Variants in SLC7A6OS observed in about 807,000 individuals in gnomAD.
SLC7A6OS encodes the protein solute carrier family 7 member 6 opposite strand, also known as probable RNA polymerase II nuclear localization protein SLC7A6OS.
SLC7A6OS carries 22 observed loss-of-function variants against 34.3 expected under a neutral mutation model. The ratio of observed to expected loss-of-function variants is 0.64; its 90% CI spans 0.46 to 0.92. The LOEUF is 0.92. Ranked by LOEUF, SLC7A6OS falls within the 40% of genes least tolerant of loss-of-function variation. SLC7A6OS has a pLI of 0.00. For missense variants in SLC7A6OS, 434 were observed against 407.7 expected, an observed-to-expected ratio of 1.06 and a Z score of -0.56; for synonymous variants, 199 against 165.0, an observed-to-expected ratio of 1.21 and a Z score of -1.58.
At position 68,310,912 on chromosome 16, in the gene SLC7A6OS, C is replaced by T. The variant is rs779341752; in HGVS notation, c.15G>A (p.Arg5=). ...TCCGCTTCACCCGGAGTACAGCGGT[C>T]CTGGCGGCCTCCATAGTGGCTGCCG... The part of the protein sequence containing the change: MEAA[R]TAVLRVKRKR... The change falls in exon 1 of 5, where the codon AGG becomes AGA. Residue 5 remains arginine (R), a synonymous_variant. Transcript: ENST00000263997. 4.4e-6 allele frequency: 7 copies of T among 1,587,178 alleles called. No individual in the cohort carries two copies. The highest frequency in any genetic ancestry group is 4.3e-6 in the Non-Finnish European group (5 of 1,170,290).
rs1006976607 is a variant in SLC7A6OS at position 68,299,866 on chromosome 16, C to T, written c.*1409G>A. The T allele has an allele frequency of 2.6e-5, 4 of 152,142 alleles. No individual in the cohort carries two copies. The highest frequency in any genetic ancestry group is 9.7e-5 in the African/African-American group (4 of 41,432). The allele number at this position is 152,142 out of a possible 1,614,324, so 9.4% of individuals were successfully genotyped here. On this transcript the variant is annotated 3_prime_UTR_variant, in exon 5 of 5. Transcript: ENST00000263997. ...CTGCAATATATACGGCCTGTGTACA[C>T]AGAATTTAATCACTTCGGCAGGTTG...
intron 2 of SLC7A6OS, among the ~76,000 whole-genome samples, chr16:68,309,856 G>A (rs868183945): frequency 7.9e-5 from 12 of 152,198 alleles, no homozygotes; most frequent in Middle Eastern, 3.4e-3. Context: ...CTAGCTCACC[G>A]GGCTCCAGGC....
At chr16:68,309,714 C>T (rs2043398724) in intron 2 of SLC7A6OS, among the ~76,000 whole-genome samples, 1 of 152,180 alleles carries the variant, frequency 6.6e-6, no homozygotes, top group Admixed American at 6.5e-5. Context: ...CCTTTAACCT[C>T]TCTTTGATCA....
At position 68,304,162 on chromosome 16, in the gene SLC7A6OS, T is replaced by C. The variant is rs760521229; in HGVS notation, c.542A>G (p.Asp181Gly). 2 of 1,614,164 alleles carry C rather than the reference T, an allele frequency of 1.2e-6. No individual in the cohort carries two copies. ...LIRERLTVSE[D>G]GPGVRRQEEQ... ...TTCCTGGCGCCTGACTCCTGGTCCATCCTCAGACACAGTCAATCGCTCACG... is the reference window on the plus strand; with the variant it reads ...TTCCTGGCGCCTGACTCCTGGTCCACCCTCAGACACAGTCAATCGCTCACG... Residue 181 changes from aspartate to glycine, a missense_variant, in exon 3 of 5, where the codon GAT becomes GGT. Transcript: ENST00000263997.
chr16:68,307,292 AC>A (rs2151241463), intron 2 of SLC7A6OS, among the ~76,000 whole-genome samples: 1 of 152,364 alleles, frequency 6.6e-6, no homozygotes, highest in East Asian at 1.9e-4. Flanking sequence ...TAGTCAATCA[AC>A]AGTAGCATTT....
chr16:68,305,199 A>G (rs919124788), intron 2 of SLC7A6OS, among the ~76,000 whole-genome samples: 1 of 152,086 alleles, frequency 6.6e-6, no homozygotes, highest in African/African-American at 2.4e-5. Flanking sequence ...TAGCACCCCT[A>G]TGGCTGAACC....
intron 2 of SLC7A6OS, among the ~76,000 whole-genome samples, chr16:68,304,547 C>T (rs1284993643): frequency 6.6e-6 from 1 of 152,114 alleles, no homozygotes; most frequent in African/African-American, 2.4e-5. Context: ...GTTTTGATCT[C>T]CTGACCTCAA....
rs369060675 is a variant in SLC7A6OS at position 68,308,669 on chromosome 16, T to C, written c.471+1666A>G. On this transcript the variant is annotated intron_variant, in intron 2 of 4. Transcript: ENST00000263997. ...ACAATAAACAATTACACTAGTACCA[T>C]TTGCTTGTTGCTTGTGGATTCATTT... Among the ~76,000 whole-genome samples the C allele has an allele frequency of 4.3e-4, 65 of 152,294 alleles. 1 individual carries two copies. Among genetic ancestry groups the C allele is most frequent in the East Asian group, 2.7e-3 (14 of 5,172 alleles).
In SLC7A6OS at chr16:68,310,726, G is replaced by C. The variant is rs746720443; in HGVS notation, c.192+9C>G. On this transcript the variant is annotated intron_variant, in intron 1 of 4. Transcript: ENST00000263997. ...ATGCCCTCCACACCAGCTGCACCAC[G>C]CCCAATACCTGGGAGCACACAGTGG... 6.9e-6 allele frequency: 11 copies of C among 1,599,128 alleles called. No homozygotes were observed. The highest frequency in any genetic ancestry group is 3.3e-4 in the Middle Eastern group (2 of 6,036).
In SLC7A6OS at chr16:68,301,216, A is replaced by C. The variant is rs2043266451; in HGVS notation, c.*59T>G. ...TAACAGGATGTCAGCAGGGCAGTTA[A>C]CTCTGGACTCAGAGCCCTCAAGGGC... On this transcript the variant is annotated 3_prime_UTR_variant, in exon 5 of 5. Coordinates refer to ENST00000263997, the MANE Select transcript of SLC7A6OS (RefSeq NM_032178.3). 1 of 1,583,356 alleles carries C rather than the reference A, an allele frequency of 6.3e-7. No individual in the cohort carries two copies. Among genetic ancestry groups the C allele is most frequent in the Non-Finnish European group, 8.6e-7 (1 of 1,161,306 alleles).
Position 68,301,204 on chromosome 16 carries a change from G to C in SLC7A6OS, c.*71C>G. Reference sequence around the variant, plus strand: ...AGCTAGGAAACCTAACAGGATGTCAGCAGGGCAGTTAACTCTGGACTCAGA... The same window carrying C: ...AGCTAGGAAACCTAACAGGATGTCACCAGGGCAGTTAACTCTGGACTCAGA... On this transcript the variant is annotated 3_prime_UTR_variant, in exon 5 of 5. Coordinates refer to ENST00000263997, the MANE Select transcript of SLC7A6OS (RefSeq NM_032178.3). 1 of 1,556,778 alleles carries C rather than the reference G, an allele frequency of 6.4e-7. No individual in the cohort carries two copies. The highest frequency in any genetic ancestry group is 8.7e-7 in the Non-Finnish European group (1 of 1,146,582).
At position 68,298,203 on chromosome 16, in the gene SLC7A6OS, T is replaced by G. The variant is rs2043208520; in HGVS notation, c.*3072A>C. 6.6e-6 allele frequency: 1 copy of G among 152,652 alleles called. No homozygotes were observed. Among genetic ancestry groups the G allele is most frequent in the African/African-American group, 2.4e-5 (1 of 41,458 alleles). 9.5% of individuals were successfully genotyped at this position (152,652 alleles called of 1,614,324 possible). A position where few individuals can be genotyped will look rare whatever the true frequency, so the allele number is the denominator to read the frequency against. ...TTGAAGGACAATCCTTTATTTTACT[T>G]GAGACCTTACATCTTTGTTCTAGCT... On this transcript the variant is annotated 3_prime_UTR_variant, in exon 5 of 5. Transcript: ENST00000263997.
Position 68,299,055 on chromosome 16 carries a change from C to A in SLC7A6OS, c.*2220G>T, listed in dbSNP as rs1248683493. ...TTCAGAGCATAATGCATATGTGAAG[C>A]ATGGGGTGACATTCCTACTGTCATG... On this transcript the variant is annotated 3_prime_UTR_variant, in exon 5 of 5. Transcript: ENST00000263997. The A allele has an allele frequency of 6.6e-6, 1 of 152,616 alleles. No homozygotes were observed. The highest frequency in any genetic ancestry group is 1.5e-5 in the Non-Finnish European group (1 of 68,028). The allele number at this position is 152,616 out of a possible 1,614,324, so 9.5% of individuals were successfully genotyped here.
At chr16:68,309,620 A>T (rs1328222624) in intron 2 of SLC7A6OS, among the ~76,000 whole-genome samples, 1 of 152,234 alleles carries the variant, frequency 6.6e-6, no homozygotes, top group Non-Finnish European at 1.5e-5. Flanking sequence ...ATGTAATATA[A>T]AGAAAAGCAC....
Position 68,310,347 on chromosome 16 carries a change from T to C in SLC7A6OS, c.459A>G (p.Ala153=). ...HEEGEPEAAS[A]GSCKTSDPDV... is the part of the protein sequence containing the mutation. Reference sequence around the variant, plus strand: ...GGGGCATACTCACTTTGCAGGAGCCTGCAGAGGCGGCTTCAGGTTCTCCCT... The same window carrying C: ...GGGGCATACTCACTTTGCAGGAGCCCGCAGAGGCGGCTTCAGGTTCTCCCT... Residue 153 remains alanine, a synonymous_variant, in exon 2 of 5, where the codon GCA becomes GCG. Coordinates refer to ENST00000263997, the MANE Select transcript of SLC7A6OS (RefSeq NM_032178.3). 1.2e-6 allele frequency: 2 copies of C among 1,605,120 alleles called. No individual in the cohort carries two copies. The highest frequency in any genetic ancestry group is 2.2e-5 in the South Asian group (2 of 90,570).
In SLC7A6OS at chr16:68,304,187, G is replaced by T; in HGVS notation, c.517C>A (p.Arg173Ser). ...VILCNSVELIRERLTVSEDGP... is the reference protein window; with the variant it reads ...VILCNSVELISERLTVSEDGP... The stretch of plus-strand genomic sequence containing the variant: ...TCCTCAGACACAGTCAATCGCTCAC[G>T]GATCAACTCTACAGAATTGCAGAGG... The change falls in exon 3 of 5, where the codon CGT (arginine) becomes AGT (serine). Residue 173 changes from arginine to serine, a missense_variant. Arg to Ser is a moderately radical substitution (Grantham distance 110, BLOSUM62 -1). Transcript: ENST00000263997. The T allele has an allele frequency of 6.2e-7, 1 of 1,614,074 alleles. No individual in the cohort carries two copies.
intron 2 of SLC7A6OS, among the ~76,000 whole-genome samples, chr16:68,307,160 A>G (rs577660126): frequency 1.3e-5 from 2 of 152,328 alleles, no homozygotes; most frequent in African/African-American, 4.8e-5. Flanking sequence ...ATAGTGTTGC[A>G]ATGAATGTGC....
Position 68,300,937 on chromosome 16 carries a change from C to G in SLC7A6OS, c.*338G>C. 1 of 1,007,514 alleles carries G rather than the reference C, an allele frequency of 9.9e-7. No homozygotes were observed. Among genetic ancestry groups the G allele is most frequent in the Non-Finnish European group, 1.2e-6 (1 of 844,608 alleles). 62.4% of individuals were successfully genotyped at this position (1,007,514 alleles called of 1,614,324 possible). On this transcript the variant is annotated 3_prime_UTR_variant, in exon 5 of 5. Coordinates refer to ENST00000263997, the MANE Select transcript of SLC7A6OS (RefSeq NM_032178.3). Reference sequence around the variant, plus strand: ...ACTGCTAATGAAATGGGAACCTCCCCCTCCCTTGTGGTTTCAGCACAGAAC... The same window carrying G: ...ACTGCTAATGAAATGGGAACCTCCCGCTCCCTTGTGGTTTCAGCACAGAAC...
chr16:68,303,939 G>A (rs193289010), intron 3 of SLC7A6OS, 87 bp downstream of exon 3: 16 of 1,204,950 alleles, frequency 1.3e-5, no homozygotes, highest in African/African-American at 4.5e-5. Context: ...AATGTTGTTC[G>A]GGAGTGGAGC....
Sources: gnomAD v4.1 joint callset for allele counts (sites outside exome capture counted in the v4.1 genomes callset) on GRCh38, gnomAD v4.1.1 for gene constraint, MANE v1.5 for transcripts, NCBI Gene and HGNC (gene_info 2026-07-23, HGNC 2026-07-21) for gene names.